The following CEACAM6 variants were observed in gnomAD, a reference collection of about 807,000 sequenced individuals.
CEACAM6 encodes the protein CEA cell adhesion molecule 6, also known as cell adhesion molecule CEACAM6.
Under a neutral mutation model 32.4 loss-of-function variants are expected in CEACAM6, and 21 were observed. That is an observed-to-expected ratio of 0.65 (90% CI 0.46 to 0.93). The LOEUF (loss-of-function observed/expected upper bound fraction) is 0.93. Among genes scored for constraint, CEACAM6 ranks in the 40% least tolerant of loss-of-function variants. CEACAM6 has a pLI of 0.00. For missense variants in CEACAM6, 406 were observed against 432.2 expected, an observed-to-expected ratio of 0.94 and a Z score of 0.54; for synonymous variants, 184 against 174.4, an observed-to-expected ratio of 1.06 and a Z score of -0.43.
chr19:41,767,367 A>C (rs1012772208), intron 5 of CEACAM6, among the ~76,000 whole-genome samples: 2 of 152,172 alleles, frequency 1.3e-5, no homozygotes, highest in South Asian at 2.1e-4. Flanking sequence ...CCTTTTCCTG[A>C]CAATCAATTC....
intron 4 of CEACAM6, among the ~76,000 whole-genome samples, chr19:41,764,765 T>C (rs1322630529): frequency 6.6e-6 from 1 of 152,220 alleles, no homozygotes; most frequent in African/African-American, 2.4e-5. Context: ...ATTGTTTCCT[T>C]CATTCACTAT....
rs913258427 is a variant in CEACAM6, at chr19:41,770,860, A to T, written c.*99A>T. On this transcript the variant is annotated 3_prime_UTR_variant, in exon 6 of 6. Transcript: ENST00000199764. ...CAATCCCATTTTATCCCATGGAACC[A>T]CTAAAAACAAGGTCTGCTCTGCTCC... The T allele has an allele frequency of 3.9e-5, 6 of 153,444 alleles. No individual in the cohort carries two copies. Among genetic ancestry groups the T allele is most frequent in the African/African-American group, 1.4e-4 (6 of 41,578 alleles). 9.5% of individuals were successfully genotyped at this position (153,444 alleles called of 1,614,324 possible). A position where few individuals can be genotyped will look rare whatever the true frequency, so the allele number is the denominator to read the frequency against.
At chr19:41,764,003 C>T (rs1555822189) in intron 4 of CEACAM6, among the ~76,000 whole-genome samples, 1 of 152,204 alleles carries the variant, frequency 6.6e-6, no homozygotes, top group Non-Finnish European at 1.5e-5. Context: ...TGTCTTGCTC[C>T]TGGTCTTACA....
At chr19:41,767,864 C>T (rs1420910981) in intron 5 of CEACAM6, among the ~76,000 whole-genome samples, 1 of 151,732 alleles carries the variant, frequency 6.6e-6, no homozygotes, top group Non-Finnish European at 1.5e-5. Flanking sequence ...AAGGAAAAGC[C>T]GCCTTATTTG....
At chr19:41,768,530 T>C (rs1306278740) in intron 5 of CEACAM6, among the ~76,000 whole-genome samples, 1 of 152,224 alleles carries the variant, frequency 6.6e-6, no homozygotes, top group Non-Finnish European at 1.5e-5. Context: ...CCATCCGATT[T>C]CTCAATCTTT....
In CEACAM6 at chr19:41,761,305, G is replaced by A; in HGVS notation, c.481G>A (p.Asp161Asn). ...SNNSNPVEDK[D>N]AVAFTCEPEV... ...CAACTCCAACCCCGTGGAGGACAAG[G>A]ATGCTGTGGCCTTCACCTGTGAACC... The change falls in exon 3 of 6, where the codon GAT (aspartate) becomes AAT (asparagine). Residue 161 changes from aspartate to asparagine, a missense_variant. Physicochemically the swap from Asp to Asn is conservative, Grantham distance 23. Transcript: ENST00000199764. 6.2e-7 allele frequency: 1 copy of A among 1,614,168 alleles called. No individual in the cohort carries two copies. Among genetic ancestry groups the A allele is most frequent in the Non-Finnish European group, 8.5e-7 (1 of 1,180,030 alleles).
intron 5 of CEACAM6, among the ~76,000 whole-genome samples, chr19:41,769,702 G>T (rs1013446651): frequency 6.9e-6 from 1 of 144,960 alleles, no homozygotes; most frequent in African/African-American, 2.5e-5. Flanking sequence ...TAATAATATC[G>T]TTATTTGCAC....
intron 2 of CEACAM6, among the ~76,000 whole-genome samples, chr19:41,757,264 C>A (rs2072894347): frequency 6.6e-6 from 1 of 152,024 alleles, no homozygotes; most frequent in Admixed American, 6.5e-5. Context: ...TGAGAAAGAC[C>A]CTGGAGAACT....
At chr19:41,757,191 G>A (rs1171741749) in intron 2 of CEACAM6, among the ~76,000 whole-genome samples, 4 of 152,040 alleles carry the variant, frequency 2.6e-5, no homozygotes, top group African/African-American at 9.7e-5. Flanking sequence ...TCTGATGGGG[G>A]GACTCAGCAG....
chr19:41,770,291 C>T (rs1298330759), intron 5 of CEACAM6, among the ~76,000 whole-genome samples: 5 of 146,464 alleles, frequency 3.4e-5, no homozygotes, highest in African/African-American at 1.3e-4. Context: ...GGTGTGGTGG[C>T]GGGCTCCTGT....
In CEACAM6 at chr19:41,770,279, T is replaced by C. The variant is rs540254536; in HGVS notation, c.*41-523T>C. 2.4e-3 allele frequency among the ~76,000 whole-genome samples: 335 copies of C among 138,040 alleles called. 1 individual carries two copies. Among genetic ancestry groups the C allele is most frequent in the Admixed American group, 5.3e-3 (75 of 14,040 alleles). The allele number at this position is 138,040 out of a possible 152,430, so 90.6% of individuals were successfully genotyped here. On this transcript the variant is annotated intron_variant, in intron 5 of 5. Coordinates refer to ENST00000199764, the MANE Select transcript of CEACAM6 (RefSeq NM_002483.7). ...ACAAAAAAAAAAAAAAAAAAAAAGCTAGGTGTGGTGGCGGGCTCCTGTAAT... is the reference window on the plus strand; with the variant it reads ...ACAAAAAAAAAAAAAAAAAAAAAGCCAGGTGTGGTGGCGGGCTCCTGTAAT...
At chr19:41,767,005 CAA>C (rs34180480) in intron 5 of CEACAM6, among the ~76,000 whole-genome samples, 7 of 88,482 alleles carry the variant, frequency 7.9e-5, no homozygotes, top group Admixed American at 3.9e-4. Flanking sequence ...GACTCCGTCT[CAA>C]AAAAAAAAAA....
chr19:41,765,839 C>A (rs1262539553), intron 4 of CEACAM6, among the ~76,000 whole-genome samples: 1 of 152,122 alleles, frequency 6.6e-6, no homozygotes, highest in Non-Finnish European at 1.5e-5. Context: ...CCATAGAGCT[C>A]CAACAGGCTC....
In CEACAM6 at chr19:41,755,747, G is replaced by C. The variant is rs376647335; in HGVS notation, c.64+45G>C. ...GGAGTGGATGGGAGGAGGGAGCACAGAGACTGGCTAGGGTCTCCTGGGGAG... is the reference window on the plus strand; with the variant it reads ...GGAGTGGATGGGAGGAGGGAGCACACAGACTGGCTAGGGTCTCCTGGGGAG... On this transcript the variant is annotated intron_variant, in intron 1 of 5. Transcript: ENST00000199764. The C allele has an allele frequency of 2.3e-5, 35 of 1,540,746 alleles. No individual in the cohort carries two copies. In the African/African-American group the frequency reaches 4.5e-4, roughly 20 times the overall value.
In CEACAM6 at chr19:41,771,326, A is replaced by G. The variant is rs1319274459; in HGVS notation, c.*565A>G. 2 of 152,136 alleles carry G rather than the reference A, an allele frequency of 1.3e-5. No individual in the cohort carries two copies. Among genetic ancestry groups the G allele is most frequent in the Admixed American group, 1.3e-4 (2 of 15,274 alleles). 9.4% of individuals were successfully genotyped at this position (152,136 alleles called of 1,614,324 possible). A position where few individuals can be genotyped will look rare whatever the true frequency, so the allele number is the denominator to read the frequency against. On this transcript the variant is annotated 3_prime_UTR_variant, in exon 6 of 6. Transcript: ENST00000199764. The stretch of plus-strand genomic sequence containing the variant: ...GTACAGTGGTCCTTTTCAGAGTTGG[A>G]CTTCTAGACTCACCTGTTCTCACTC...
At chr19:41,766,160 T>A (rs1555822365) in intron 4 of CEACAM6, 23 bp from the exon 5 acceptor site, 1 of 1,573,980 alleles carries the variant, frequency 6.4e-7, no homozygotes, top group Non-Finnish European at 8.7e-7. Flanking sequence ...TCACCTTCAT[T>A]CCTTCTCTCT....
At chr19:41,755,818 G>A in intron 1 of CEACAM6, 116 bp downstream of exon 1, 1 of 744,630 alleles carries the variant, frequency 1.3e-6, no homozygotes, top group Non-Finnish European at 2.1e-6. Context: ...GAAGCCTGAG[G>A]AAACAGAACA....
At position 41,766,287 on chromosome 19, in the gene CEACAM6, G is replaced by A; in HGVS notation, c.*28G>A. On this transcript the variant is annotated 3_prime_UTR_variant, in exon 5 of 6. Transcript: ENST00000199764. ...GCCCTGGTGTATTTTCGATATTTCA[G>A]GAAGACTGGCAGGTATGATCGCCTT... 1 of 1,528,006 alleles carries A rather than the reference G, an allele frequency of 6.5e-7. No individual in the cohort carries two copies. Among genetic ancestry groups the A allele is most frequent in the Non-Finnish European group, 8.9e-7 (1 of 1,123,274 alleles). 94.7% of individuals were successfully genotyped at this position (1,528,006 alleles called of 1,614,324 possible). A position where few individuals can be genotyped will look rare whatever the true frequency, so the allele number is the denominator to read the frequency against.
At chr19:41,767,005 C>CAAAA (rs34180480) in intron 5 of CEACAM6, among the ~76,000 whole-genome samples, 10 of 88,422 alleles carry the variant, frequency 1.1e-4, no homozygotes, top group East Asian at 1.0e-3. Flanking sequence ...GACTCCGTCT[C>CAAAA]AAAAAAAAAA....
Sources: gnomAD v4.1 joint callset for allele counts (sites outside exome capture counted in the v4.1 genomes callset) on GRCh38, gnomAD v4.1.1 for gene constraint, MANE v1.5 for transcripts, NCBI Gene and HGNC (gene_info 2026-07-23, HGNC 2026-07-21) for gene names.